The following TMBIM4 variants were observed in gnomAD, a reference collection of about 807,000 sequenced individuals.
TMBIM4 encodes the protein protein lifeguard 4.
A neutral mutation model predicts 27.7 loss-of-function variants in TMBIM4; 28 were observed. That is an observed-to-expected ratio of 1.01 (90% CI 0.75 to 1.38). The LOEUF (loss-of-function observed/expected upper bound fraction) is 1.38. Ranked by LOEUF, TMBIM4 falls within the 40% of genes most tolerant of loss-of-function variation. The pLI, the probability that TMBIM4 is intolerant of heterozygous loss-of-function variation, is 0.00. For missense variants in TMBIM4, 265 were observed against 277.5 expected (o/e 0.95, Z 0.32); for synonymous variants, 115 against 113.1 (o/e 1.02, Z -0.11).
At chr12:66,156,655 A>AGATTTTATAGGACCTACAAGGTCCCACAT (rs1257944068) in intron 1 of TMBIM4, among the ~76,000 whole-genome samples, 2 of 152,226 alleles carry the variant, frequency 1.3e-5, no homozygotes. Context: ...AAAATGTGAA[A>AGATTTTATAGGACCTACAAGGTCCCACAT]GATTTTATAG....
chr12:66,157,568 C>G (rs2051958478), intron 1 of TMBIM4, among the ~76,000 whole-genome samples: 1 of 152,116 alleles, frequency 6.6e-6, no homozygotes, highest in Non-Finnish European at 1.5e-5. Flanking sequence ...GCTGCCATAC[C>G]AAACACCTAA....
intron 4 of TMBIM4, 139 bp downstream of exon 4, chr12:66,147,769 G>T: frequency 1.7e-6 from 1 of 576,852 alleles, no homozygotes; most frequent in Non-Finnish European, 2.9e-6. Flanking sequence ...TTATACTTTA[G>T]AAATTATTTG....
rs77925378 is a variant in TMBIM4 at position 66,148,040 on chromosome 12, C to G, written c.313-99G>C. ...CTTAATGTGATCCCATATGAATGAT[C>G]TCATTTTAGCTTCAAAGCAGCCCTG... On this transcript the variant is annotated intron_variant, in intron 3 of 6. Transcript: ENST00000358230. 8.5e-4 allele frequency: 923 copies of G among 1,090,808 alleles called. 7 individuals are homozygous for G. In the African/African-American group the frequency reaches 0.013, roughly 16 times the overall value. 67.6% of individuals were successfully genotyped at this position (1,090,808 alleles called of 1,614,324 possible).
In TMBIM4 at chr12:66,145,885, C is replaced by A. The variant is rs1349761778; in HGVS notation, c.420G>T (p.Val140=). ...AATCCTTCTTAGATTGTAGAGTATACACAGTCAAACCAAAAAATACTGTAG... is the reference window on the plus strand; with the variant it reads ...AATCCTTCTTAGATTGTAGAGTATAAACAGTCAAACCAAAAAATACTGTAG... ...LTTTVFFGLT[V]YTLQSKKDFS... Residue 140 remains valine, a synonymous_variant, in exon 5 of 7, where the codon GTG becomes GTT. Transcript: ENST00000358230. 1 of 1,607,504 alleles carries A rather than the reference C, an allele frequency of 6.2e-7. No individual in the cohort carries two copies. Among genetic ancestry groups the A allele is most frequent in the Non-Finnish European group, 8.5e-7 (1 of 1,174,586 alleles).
At chr12:66,150,794 G>A (rs578203939) in intron 3 of TMBIM4, among the ~76,000 whole-genome samples, 18 of 152,176 alleles carry the variant, frequency 1.2e-4, no homozygotes, top group Non-Finnish European at 2.4e-4. Context: ...GACTCTGGGG[G>A]CAAACAATGG....
intron 1 of TMBIM4, among the ~76,000 whole-genome samples, chr12:66,159,026 T>G (rs1009321125): frequency 6.6e-6 from 1 of 152,192 alleles, no homozygotes; most frequent in Admixed American, 6.5e-5. Flanking sequence ...TAGGGTATTT[T>G]GGAGGATCTT....
chr12:66,160,353 T>A (rs1042212001), intron 1 of TMBIM4: 4 of 589,292 alleles, frequency 6.8e-6, no homozygotes, highest in Non-Finnish European at 1.2e-5. Flanking sequence ...TTTGACTCTA[T>A]CATTTCACTT....
chr12:66,164,909 ATTAG>A (rs2052100167), intron 1 of TMBIM4, among the ~76,000 whole-genome samples: 1 of 152,246 alleles, frequency 6.6e-6, no homozygotes, highest in Non-Finnish European at 1.5e-5. Context: ...AAAATGCAAA[ATTAG>A]TTACATTTTT....
chr12:66,149,486 G>T (rs902153790), intron 3 of TMBIM4, among the ~76,000 whole-genome samples: 3 of 151,090 alleles, frequency 2.0e-5, no homozygotes, highest in East Asian at 3.9e-4. Flanking sequence ...ATTTTTTTGG[G>T]GGGGGCAGGG....
At chr12:66,145,498 G>T (rs1024256340) in intron 5 of TMBIM4, 1 of 163,734 alleles carries the variant, frequency 6.1e-6, no homozygotes, top group Non-Finnish European at 1.3e-5. Context: ...AAGAAGACGT[G>T]GATGGTCTTG....
chr12:66,162,464 A>G (rs2052058086), intron 1 of TMBIM4, among the ~76,000 whole-genome samples: 1 of 152,174 alleles, frequency 6.6e-6, no homozygotes, highest in African/African-American at 2.4e-5. Flanking sequence ...CTGCTCTCCT[A>G]GATTATTCCA....
intron 3 of TMBIM4, among the ~76,000 whole-genome samples, chr12:66,151,932 A>G (rs781211757): frequency 6.6e-6 from 1 of 152,188 alleles, no homozygotes; most frequent in Non-Finnish European, 1.5e-5. Context: ...TTAGAGGTAG[A>G]AGGTATCACA....
intron 1 of TMBIM4, among the ~76,000 whole-genome samples, chr12:66,168,307 A>G (rs960116733): frequency 3.9e-5 from 6 of 152,184 alleles, no homozygotes; most frequent in Non-Finnish European, 8.8e-5. Flanking sequence ...GCCAACCACA[A>G]AAAAACAAAT....
At chr12:66,155,330 ACG>A (rs1491173925) in intron 1 of TMBIM4, among the ~76,000 whole-genome samples, 1 of 76,042 alleles carries the variant, frequency 1.3e-5, no homozygotes, top group African/African-American at 4.5e-5. Context: ...GTGTGTGCAC[ACG>A]TGTGAGAGAG....
At chr12:66,156,697 T>G (rs2051941979) in intron 1 of TMBIM4, among the ~76,000 whole-genome samples, 1 of 152,196 alleles carries the variant, frequency 6.6e-6, no homozygotes, top group Non-Finnish European at 1.5e-5. Context: ...TGTAGAACCT[T>G]TCCAATCTCA....
chr12:66,149,955 G>A (rs896995059), intron 3 of TMBIM4, among the ~76,000 whole-genome samples: 88 of 151,960 alleles, frequency 5.8e-4, no homozygotes, highest in Non-Finnish European at 1.8e-4. Context: ...GGTGGATCAG[G>A]ACCAAAAAAC....
chr12:66,151,020 C>G (rs2051836393), intron 3 of TMBIM4, among the ~76,000 whole-genome samples: 2 of 152,148 alleles, frequency 1.3e-5, no homozygotes, highest in South Asian at 2.1e-4. Flanking sequence ...CATCCTTAAA[C>G]TCCTTGTTAT....
At chr12:66,164,316 G>GGAA (rs1294452698) in intron 1 of TMBIM4, among the ~76,000 whole-genome samples, 4 of 152,126 alleles carry the variant, frequency 2.6e-5, no homozygotes, top group Non-Finnish European at 5.9e-5. Context: ...CCATCTCTGT[G>GGAA]TCTCTGTCTC....
intron 1 of TMBIM4, among the ~76,000 whole-genome samples, chr12:66,159,651 T>G (rs1245051389): frequency 6.6e-6 from 1 of 152,232 alleles, no homozygotes; most frequent in Non-Finnish European, 1.5e-5. Flanking sequence ...TAGCTCCTTC[T>G]CATACAATCC....
Sources: allele counts gnomAD v4.1 joint callset (sites outside exome capture counted in the v4.1 genomes callset), GRCh38; gene constraint gnomAD v4.1.1; transcripts MANE v1.5; gene names NCBI Gene and HGNC (gene_info 2026-07-23, HGNC 2026-07-21).